The following SSX2IP variants were observed in gnomAD, a reference collection of about 807,000 sequenced individuals.
The protein encoded by SSX2IP is SSX family member 2 interacting protein.
In SSX2IP, 55 loss-of-function variants were observed where a neutral mutation model predicts 84.9. The ratio of observed to expected loss-of-function variants is 0.65; its 90% CI spans 0.52 to 0.81. SSX2IP has a LOEUF of 0.81. Ranked by LOEUF, SSX2IP falls within the 30% of genes least tolerant of loss-of-function variation. The pLI is 0.00. For synonymous variants in SSX2IP, 239 were observed against 234.7 expected, an observed-to-expected ratio of 1.02 and a Z score of -0.17; for missense variants, 664 against 705.2, an observed-to-expected ratio of 0.94 and a Z score of 0.66.
At chr1:84,674,513 T>C (rs140026277) in intron 1 of SSX2IP, among the ~76,000 whole-genome samples, 96 of 152,316 alleles carry the variant, frequency 6.3e-4, no homozygotes, top group Middle Eastern at 3.4e-3. Flanking sequence ...TAGGCACCTT[T>C]CCAATTTGTG....
At position 84,645,194 on chromosome 1, in the gene SSX2IP, A is replaced by G. The variant is rs929499827; in HGVS notation, c.*2239T>C. ...CACAGCTGTATTATTTGTACATTGC[A>G]AACACCTAGAAAGAGATGGGAAACA... On this transcript the variant is annotated 3_prime_UTR_variant, in exon 14 of 14. Transcript: ENST00000342203. 6.6e-6 allele frequency: 1 copy of G among 152,196 alleles called. No homozygotes were observed. The highest frequency in any genetic ancestry group is 2.4e-5 in the African/African-American group (1 of 41,454). 9.4% of individuals were successfully genotyped at this position (152,196 alleles called of 1,614,324 possible).
At chr1:84,670,084 A>G (rs957096694) in intron 3 of SSX2IP, 191 bp from the exon 4 acceptor site, 2 of 516,288 alleles carry the variant, frequency 3.9e-6, no homozygotes, top group South Asian at 2.3e-5. Flanking sequence ...AAAAAATGAT[A>G]TAAGTATGGG....
Position 84,658,416 on chromosome 1 carries a change from C to T in SSX2IP, c.980G>A (p.Trp327Ter). The change falls in exon 9 of 14, where the codon TGG becomes TAG. Residue 327 changes from tryptophan to a stop codon, truncating the protein, a stop_gained. Transcript: ENST00000342203. LOFTEE classifies it high-confidence loss of function. ...DAGELSRESM[W>*]DLSCETVREQ... ...TCTCACAGTTTCACAGGAAAGGTCCCACATACTCTCTCTGCTTAGTTCCCC... is the reference window on the plus strand; with the variant it reads ...TCTCACAGTTTCACAGGAAAGGTCCTACATACTCTCTCTGCTTAGTTCCCC... 6 of 1,614,114 alleles carry T rather than the reference C, an allele frequency of 3.7e-6. No individual in the cohort carries two copies. In the South Asian group the frequency reaches 6.6e-5, roughly 18 times the overall value.
At chr1:84,650,206 T>C in intron 13 of SSX2IP, 156 bp downstream of exon 13, 2 of 718,464 alleles carry the variant, frequency 2.8e-6, no homozygotes, top group Admixed American at 2.2e-5. Context: ...CTATATATAC[T>C]GGACACTCAA....
At chr1:84,671,561 G>A (rs977482805) in intron 1 of SSX2IP, among the ~76,000 whole-genome samples, 22 of 152,106 alleles carry the variant, frequency 1.4e-4, no homozygotes, top group African/African-American at 4.3e-4. Flanking sequence ...CATGGTACAC[G>A]ATTTGACTCA....
At chr1:84,682,958 T>C (rs1237147498) in intron 1 of SSX2IP, among the ~76,000 whole-genome samples, 3 of 152,332 alleles carry the variant, frequency 2.0e-5, no homozygotes, top group Admixed American at 6.5e-5. Context: ...ACGAACTTAT[T>C]CAATCTTACA....
rs1174939103 is a variant in SSX2IP, at chr1:84,646,134, A to C, written c.*1299T>G. 1.3e-5 allele frequency: 2 copies of C among 152,636 alleles called. No homozygotes were observed. The highest frequency in any genetic ancestry group is 2.9e-5 in the Non-Finnish European group (2 of 68,048). The allele number at this position is 152,636 out of a possible 1,614,324, so 9.5% of individuals were successfully genotyped here. On this transcript the variant is annotated 3_prime_UTR_variant, in exon 14 of 14. Transcript: ENST00000342203. ...GTACAGGGGAAGGTAAATGGGCCTA[A>C]ACTATGATACCTAGCAAGGGTTGGA...
Position 84,651,972 on chromosome 1 carries a change from G to A in SSX2IP, c.1415C>T (p.Ala472Val). The change falls in exon 12 of 14, where the codon GCC becomes GTC. Residue 472 changes from alanine (A) to valine (V), a missense_variant. Ala to Val is a moderately conservative substitution (Grantham distance 64). Transcript: ENST00000342203. ...LERKAFEEER[A>V]SWLKQQFLNM... ...TAGAAACTGCTGCTTTAACCAACTG[G>A]CTCTTTCTTCTTCAAATGCCTTTCT... is the stretch of plus-strand genomic sequence containing the variant. The A allele has an allele frequency of 6.2e-7, 1 of 1,613,456 alleles. No individual in the cohort carries two copies. Among genetic ancestry groups the A allele is most frequent in the Non-Finnish European group, 8.5e-7 (1 of 1,179,630 alleles).
chr1:84,689,793 A>G (rs535665140), intron 1 of SSX2IP, among the ~76,000 whole-genome samples: 4 of 152,338 alleles, frequency 2.6e-5, no homozygotes, highest in South Asian at 4.1e-4. Flanking sequence ...ATTATAAACC[A>G]AAGTATTTTC....
chr1:84,663,434 C>A (rs1453429874), intron 6 of SSX2IP, among the ~76,000 whole-genome samples: 2 of 151,994 alleles, frequency 1.3e-5, no homozygotes, highest in Non-Finnish European at 2.9e-5. Context: ...ACTTAAAAAC[C>A]AATGATTCTC....
Position 84,670,691 on chromosome 1 carries a change from G to A in SSX2IP, c.168C>T (p.Phe56=). ...SKNVHSFFSA[F]CTEDNIEQSI... ...TCTGTTCAATATTATCTTCTGTGCA[G>A]AAGGCACTGAAAAAACTGTGCACAT... is the stretch of plus-strand genomic sequence containing the variant. Residue 56 remains phenylalanine (F), a synonymous_variant, in exon 3 of 14, where the codon TTC becomes TTT. Transcript: ENST00000342203. 3 of 1,612,584 alleles carry A rather than the reference G, an allele frequency of 1.9e-6. No individual in the cohort carries two copies.
intron 1 of SSX2IP, among the ~76,000 whole-genome samples, chr1:84,672,983 C>T (rs1329558175): frequency 2.0e-5 from 3 of 152,176 alleles, no homozygotes; most frequent in Non-Finnish European, 2.9e-5. Flanking sequence ...GAGATCGTGC[C>T]ACTGCACTCC....
chr1:84,664,026 A>G (rs1652415749), intron 6 of SSX2IP, among the ~76,000 whole-genome samples: 1 of 152,258 alleles, frequency 6.6e-6, no homozygotes, highest in African/African-American at 2.4e-5. Flanking sequence ...AGGAACTCAA[A>G]CTGACATGAA....
At chr1:84,660,602 C>T (rs928314823) in intron 8 of SSX2IP, among the ~76,000 whole-genome samples, 6 of 152,072 alleles carry the variant, frequency 3.9e-5, no homozygotes, top group Admixed American at 1.3e-4. Context: ...CCCGTCTCTA[C>T]TAAAAATACA....
rs1438213043 is a variant in SSX2IP at position 84,669,845 on chromosome 1, T to C, written c.262A>G (p.Lys88Glu). The change falls in exon 4 of 14, where the codon AAA becomes GAA. Residue 88 changes from lysine (K) to glutamate (E), a missense_variant. Lys to Glu is a moderately conservative substitution (Grantham distance 56, BLOSUM62 1). Coordinates refer to ENST00000342203, the MANE Select transcript of SSX2IP (RefSeq NM_001166293.2). ...FPSLYEESKG[K>E]ETKRELNIVA... ...ATATTTAACTCTCTCTTTGTCTCTT[T>C]ACCTTTGGATTCTTCATATAATGAA... 2 of 1,613,344 alleles carry C rather than the reference T, an allele frequency of 1.2e-6. No homozygotes were observed. The highest frequency in any genetic ancestry group is 1.7e-6 in the Non-Finnish European group (2 of 1,179,610).
chr1:84,685,635 T>A (rs1655678156), intron 1 of SSX2IP, among the ~76,000 whole-genome samples: 1 of 152,252 alleles, frequency 6.6e-6, no homozygotes, highest in African/African-American at 2.4e-5. Flanking sequence ...TAGCTATTTA[T>A]GATTCCAAAG....
In SSX2IP at chr1:84,671,164, T is replaced by C. The variant is rs747369060; in HGVS notation, c.43+13A>G. 3.1e-6 allele frequency: 5 copies of C among 1,608,390 alleles called. No homozygotes were observed. The South Asian group carries it at 4.5e-5, about 14-fold the overall frequency. ...GTTTCTGCTTTTGTTTACAATTATT[T>C]AGACTTAATTACCTGAAGACAGACC... On this transcript the variant is annotated intron_variant, in intron 2 of 13. Transcript: ENST00000342203.
chr1:84,650,242 A>G, intron 13 of SSX2IP, 120 bp downstream of exon 13: 1 of 961,770 alleles, frequency 1.0e-6, no homozygotes, highest in Non-Finnish European at 1.6e-6. Flanking sequence ...TAAATCATCT[A>G]CTAAATTCCT....
intron 12 of SSX2IP, among the ~76,000 whole-genome samples, chr1:84,651,291 A>G (rs549656263): frequency 6.6e-6 from 1 of 152,234 alleles, no homozygotes; most frequent in South Asian, 2.1e-4. Flanking sequence ...CCTGGGTGAC[A>G]GAGCAAGACT....
Sources: allele counts gnomAD v4.1 joint callset (sites outside exome capture counted in the v4.1 genomes callset), GRCh38; gene constraint gnomAD v4.1.1; transcripts MANE v1.5; gene names NCBI Gene and HGNC (gene_info 2026-07-23, HGNC 2026-07-21).